The following NCAM2 variants were observed in gnomAD, a reference collection of about 807,000 sequenced individuals.
The protein encoded by NCAM2 is neural cell adhesion molecule 2, also known as N-CAM-2.
In NCAM2, 30 loss-of-function variants were observed where a neutral mutation model predicts 98.1. That is an observed-to-expected ratio of 0.31 (90% CI 0.23 to 0.41). The LOEUF (loss-of-function observed/expected upper bound fraction) is 0.41. NCAM2 is among the 10% of genes least tolerant of loss of function. The pLI is 1.00. For missense variants in NCAM2, 867 were observed against 1,005.8 expected (o/e 0.86, Z 1.87); for synonymous variants, 368 against 342.4 (o/e 1.07, Z -0.83).
At chr21:21,204,838 G>A (rs1000188989) in intron 1 of NCAM2, among the ~76,000 whole-genome samples, 10 of 152,114 alleles carry the variant, frequency 6.6e-5, no homozygotes, top group African/African-American at 2.4e-4. Flanking sequence ...TGCACAGCAA[G>A]GAGCTGCTGT....
chr21:21,044,818 T>C (rs796672364), intron 1 of NCAM2, among the ~76,000 whole-genome samples: 8 of 151,926 alleles, frequency 5.3e-5, no homozygotes, highest in African/African-American at 1.7e-4. Flanking sequence ...TAAAAAAATT[T>C]GTTGGGCATG....
intron 1 of NCAM2, among the ~76,000 whole-genome samples, chr21:21,030,574 A>C (rs9976099): frequency 0.72 from 109,454 of 151,592 alleles, 39,814 homozygotes; most frequent in Admixed American, 0.79. Flanking sequence ...TCTTTTTGCC[A>C]TGTTGAGTTA....
At chr21:21,262,420 A>G (rs1392165358) in intron 1 of NCAM2, among the ~76,000 whole-genome samples, 1 of 152,160 alleles carries the variant, frequency 6.6e-6, no homozygotes, top group East Asian at 1.9e-4. Flanking sequence ...AGAGAAAACT[A>G]CAGGCTAATA....
intron 1 of NCAM2, among the ~76,000 whole-genome samples, chr21:21,203,238 G>T (rs868614310): frequency 2.6e-5 from 4 of 152,156 alleles, no homozygotes; most frequent in Middle Eastern, 6.8e-3. Flanking sequence ...AAATTAATTG[G>T]CTCCTTTTAC....
At chr21:21,326,728 A>G (rs1444499052) in intron 6 of NCAM2, among the ~76,000 whole-genome samples, 2 of 152,054 alleles carry the variant, frequency 1.3e-5, no homozygotes, top group Non-Finnish European at 2.9e-5. Flanking sequence ...CATCCTTTGG[A>G]TAGAATGAAA....
chr21:21,434,414 C>G (rs1254763870), intron 12 of NCAM2, among the ~76,000 whole-genome samples: 2 of 152,110 alleles, frequency 1.3e-5, no homozygotes, highest in African/African-American at 4.8e-5. Flanking sequence ...GGATTTCTCA[C>G]TTTGATTTGA....
chr21:21,511,897 G>C (rs1421733215), intron 16 of NCAM2, among the ~76,000 whole-genome samples: 1 of 151,908 alleles, frequency 6.6e-6, no homozygotes, highest in Non-Finnish European at 1.5e-5. Context: ...GTTGTCTTTT[G>C]AGAGAAATGT....
chr21:21,029,685 C>T (rs2064632574), intron 1 of NCAM2, among the ~76,000 whole-genome samples: 1 of 151,902 alleles, frequency 6.6e-6, no homozygotes, highest in African/African-American at 2.4e-5. Context: ...GGCTGGAGTA[C>T]AGTGGCGCGA....
intron 11 of NCAM2, among the ~76,000 whole-genome samples, chr21:21,427,530 TA>T (rs1342249880): frequency 3.3e-5 from 5 of 152,192 alleles, no homozygotes; most frequent in Non-Finnish European, 4.4e-5. Flanking sequence ...TGTGGAATTC[TA>T]AAACAGTGAA....
In NCAM2 at chr21:21,453,374, C is replaced by T. The variant is rs529977400; in HGVS notation, c.1655-13232C>T. Among the ~76,000 whole-genome samples the T allele has an allele frequency of 1.1e-4, 16 of 151,650 alleles. No individual in the cohort carries two copies. In the South Asian group the frequency reaches 2.5e-3, roughly 24 times the overall value. Reference sequence around the variant, plus strand: ...CCTTGGCAGAGGTCAGTATGAAGGGCGTCCTGCCTGGAATGGCATGATCAG... The same window carrying T: ...CCTTGGCAGAGGTCAGTATGAAGGGTGTCCTGCCTGGAATGGCATGATCAG... On this transcript the variant is annotated intron_variant, in intron 12 of 17. Transcript: ENST00000400546.
chr21:21,300,623 C>T (rs2073677957), intron 5 of NCAM2, among the ~76,000 whole-genome samples: 1 of 151,904 alleles, frequency 6.6e-6, no homozygotes, highest in Non-Finnish European at 1.5e-5. Flanking sequence ...ATTAATCCTT[C>T]AAGGAAAAAG....
intron 5 of NCAM2, among the ~76,000 whole-genome samples, chr21:21,304,642 A>G (rs889684750): frequency 8.5e-5 from 13 of 152,160 alleles, no homozygotes; most frequent in African/African-American, 3.1e-4. Flanking sequence ...TTACATATAC[A>G]TATGCACTAA....
At chr21:21,382,418 A>G (rs2076172750) in intron 9 of NCAM2, among the ~76,000 whole-genome samples, 1 of 151,868 alleles carries the variant, frequency 6.6e-6, no homozygotes, top group Non-Finnish European at 1.5e-5. Context: ...CCAATTAGGT[A>G]ATGTTCTCTT....
chr21:21,413,562 A>G (rs2076929407), intron 10 of NCAM2, among the ~76,000 whole-genome samples: 2 of 152,220 alleles, frequency 1.3e-5, no homozygotes, highest in African/African-American at 4.8e-5. Context: ...AAATATCTCT[A>G]TAAAGCCAGT....
At chr21:21,435,575 ATCT>A (rs538413442) in intron 12 of NCAM2, among the ~76,000 whole-genome samples, 2 of 152,122 alleles carry the variant, frequency 1.3e-5, no homozygotes, top group African/African-American at 4.8e-5. Flanking sequence ...CCAGTTTAAC[ATCT>A]TCTTCTTTAA....
chr21:21,431,123 T>TTGTGTGTGTGTGTGTGTGTG (rs3037969), intron 11 of NCAM2, among the ~76,000 whole-genome samples: 11,305 of 141,048 alleles, frequency 0.08, 495 homozygotes, highest in East Asian at 0.15. Context: ...TAATATATGT[T>TTGTGTGTGTGTGTGTGTGTG]TGTGTGTGTG....
At chr21:21,108,713 A>G (rs1006211963) in intron 1 of NCAM2, among the ~76,000 whole-genome samples, 2 of 152,092 alleles carry the variant, frequency 1.3e-5, no homozygotes, top group South Asian at 2.1e-4. Flanking sequence ...GAATAAGGAC[A>G]TTTCTACCAG....
At chr21:21,150,979 T>A (rs1601506708) in intron 1 of NCAM2, among the ~76,000 whole-genome samples, 1 of 101,282 alleles carries the variant, frequency 9.9e-6, no homozygotes, top group Non-Finnish European at 2.4e-5. Context: ...ATTTTAAAAA[T>A]ATATATATAT....
chr21:21,292,993 G>T (rs1286255387), intron 5 of NCAM2, among the ~76,000 whole-genome samples: 2 of 151,802 alleles, frequency 1.3e-5, no homozygotes, highest in Non-Finnish European at 2.9e-5. Flanking sequence ...GTGAAGAAAT[G>T]CCACACTTAA....
Sources: allele counts gnomAD v4.1 joint callset (sites outside exome capture counted in the v4.1 genomes callset), GRCh38; gene constraint gnomAD v4.1.1; transcripts MANE v1.5; gene names NCBI Gene and HGNC (gene_info 2026-07-23, HGNC 2026-07-21).